Variants in ANKRD12 observed in about 807,000 individuals in gnomAD.
The protein encoded by ANKRD12 is ankyrin repeat domain-containing protein 12.
A neutral mutation model predicts 183.4 loss-of-function variants in ANKRD12; 85 were observed. The observed-to-expected ratio is 0.46, with a 90% confidence interval of 0.39 to 0.56. The LOEUF is 0.56. ANKRD12 is among the 20% of genes least tolerant of loss of function. The pLI is 0.00. For synonymous variants in ANKRD12, 914 were observed against 800.2 expected (o/e 1.14, Z -2.40); for missense variants, 2,405 against 2,357.1 (o/e 1.02, Z -0.42).
intron 1 of ANKRD12, among the ~76,000 whole-genome samples, chr18:9,180,233 G>A (rs1016342476): frequency 4.6e-5 from 7 of 152,112 alleles, no homozygotes; most frequent in African/African-American, 1.7e-4. Flanking sequence ...TCGTTCTGAA[G>A]TCTGTTTTGT....
chr18:9,142,802 T>G (rs544948574), intron 1 of ANKRD12, among the ~76,000 whole-genome samples: 2 of 152,188 alleles, frequency 1.3e-5, no homozygotes, highest in African/African-American at 4.8e-5. Flanking sequence ...GAGAATTGCT[T>G]GAACCCAGGA....
chr18:9,285,975 C>G lies in ANKRD12; in HGVS notation c.*4849C>G, dbSNP rs1444345367. On this transcript the variant is annotated 3_prime_UTR_variant, in exon 13 of 13. Coordinates refer to ENST00000262126, the MANE Select transcript of ANKRD12 (RefSeq NM_015208.5). ...GACTATTGTTAATAAACCTGTGAAT[C>G]TGCAAGCCTATTTTGTGGACATATT... The G allele has an allele frequency of 1.3e-5, 2 of 152,180 alleles. No homozygotes were observed. Among genetic ancestry groups the G allele is most frequent in the Non-Finnish European group, 2.9e-5 (2 of 68,038 alleles). 9.4% of individuals were successfully genotyped at this position (152,180 alleles called of 1,614,324 possible). A position where few individuals can be genotyped will look rare whatever the true frequency, so the allele number is the denominator to read the frequency against.
At position 9,223,609 on chromosome 18, in the gene ANKRD12, A is replaced by G. The variant is rs545401963; in HGVS notation, c.943+1610A>G. ...ATGAACAAAGCAAAGATAAAAGTGT[A>G]TTGCCTTCTTAATTAAATGTAGCTT... On this transcript the variant is annotated intron_variant, in intron 8 of 12. Transcript: ENST00000262126. Among the ~76,000 whole-genome samples the G allele has an allele frequency of 2.6e-5, 4 of 152,294 alleles. No individual in the cohort carries two copies. In the South Asian group the frequency reaches 8.3e-4, roughly 32 times the overall value.
In ANKRD12 at chr18:9,283,788, T is replaced by A. The variant is rs1439665221; in HGVS notation, c.*2662T>A. ...AAAAGAGTGAAATGTGTGCTAACTG[T>A]TTTTTTACTTAATTTTACTTGGGCA... On this transcript the variant is annotated 3_prime_UTR_variant, in exon 13 of 13. Transcript: ENST00000262126. The A allele has an allele frequency of 3.9e-5, 6 of 152,584 alleles. No individual in the cohort carries two copies. The highest frequency in any genetic ancestry group is 2.6e-4 in the Admixed American group (4 of 15,266). The allele number at this position is 152,584 out of a possible 1,614,324, so 9.5% of individuals were successfully genotyped here.
At position 9,284,461 on chromosome 18, in the gene ANKRD12, G is replaced by C. The variant is rs1351735722; in HGVS notation, c.*3335G>C. On this transcript the variant is annotated 3_prime_UTR_variant, in exon 13 of 13. Coordinates refer to ENST00000262126, the MANE Select transcript of ANKRD12 (RefSeq NM_015208.5). Reference sequence around the variant, plus strand: ...ATTTTATATAGAAGAAATTGACTCTGTAAAACGCAATGAAATAGTCCTCTT... The same window carrying C: ...ATTTTATATAGAAGAAATTGACTCTCTAAAACGCAATGAAATAGTCCTCTT... 3 of 152,156 alleles carry C rather than the reference G, an allele frequency of 2.0e-5. No individual in the cohort carries two copies. Among genetic ancestry groups the C allele is most frequent in the Non-Finnish European group, 4.4e-5 (3 of 68,030 alleles). 9.4% of individuals were successfully genotyped at this position (152,156 alleles called of 1,614,324 possible). A position where few individuals can be genotyped will look rare whatever the true frequency, so the allele number is the denominator to read the frequency against.
At position 9,282,202 on chromosome 18, in the gene ANKRD12, A is replaced by T. The variant is rs1429309476; in HGVS notation, c.*1076A>T. 6.6e-6 allele frequency: 1 copy of T among 152,430 alleles called. No homozygotes were observed. Among genetic ancestry groups the T allele is most frequent in the Non-Finnish European group, 1.5e-5 (1 of 67,996 alleles). 9.4% of individuals were successfully genotyped at this position (152,430 alleles called of 1,614,324 possible). A position where few individuals can be genotyped will look rare whatever the true frequency, so the allele number is the denominator to read the frequency against. ...TTATTGGTCATGTTAAATCATTGTA[A>T]AACTTTTTTACATTGCTTAATGTTT... is the stretch of plus-strand genomic sequence containing the variant. On this transcript the variant is annotated 3_prime_UTR_variant, in exon 13 of 13. Coordinates refer to ENST00000262126, the MANE Select transcript of ANKRD12 (RefSeq NM_015208.5).
At position 9,269,122 on chromosome 18, in the gene ANKRD12, G is replaced by C. The variant is rs1248575120; in HGVS notation, c.5763+5234G>C. 2.6e-5 allele frequency among the ~76,000 whole-genome samples: 4 copies of C among 152,092 alleles called. No individual in the cohort carries two copies. The South Asian group carries it at 6.2e-4, about 24-fold the overall frequency. ...ACCACTGCTCAATGAAATAAAAGAG[G>C]ATACAAACAAATAGAAGAACATTCC... On this transcript the variant is annotated intron_variant, in intron 10 of 12. Transcript: ENST00000262126.
At chr18:9,143,497 G>T (rs1445356960) in intron 1 of ANKRD12, among the ~76,000 whole-genome samples, 1 of 152,168 alleles carries the variant, frequency 6.6e-6, no homozygotes, top group Non-Finnish European at 1.5e-5. Flanking sequence ...GTTTCACACT[G>T]TTGCCCAGGC....
At chr18:9,138,729 T>G (rs535724067) in intron 1 of ANKRD12, among the ~76,000 whole-genome samples, 1 of 152,336 alleles carries the variant, frequency 6.6e-6, no homozygotes, top group South Asian at 2.1e-4. Flanking sequence ...AGTCGTTATA[T>G]TAACAGTCTT....
chr18:9,222,515 AC>A (rs1331604734), intron 8 of ANKRD12, among the ~76,000 whole-genome samples: 5 of 151,870 alleles, frequency 3.3e-5, no homozygotes, highest in African/African-American at 1.2e-4. Flanking sequence ...TAACAAAAAA[AC>A]ATTTACTGTG....
intron 1 of ANKRD12, among the ~76,000 whole-genome samples, chr18:9,154,707 A>G (rs946398286): frequency 1.3e-5 from 2 of 152,192 alleles, no homozygotes; most frequent in Non-Finnish European, 2.9e-5. Flanking sequence ...TTGGATTAGG[A>G]TGGTAGCAAG....
intron 3 of ANKRD12, among the ~76,000 whole-genome samples, chr18:9,196,322 A>G (rs2034818919): frequency 6.6e-6 from 1 of 152,118 alleles, no homozygotes; most frequent in African/African-American, 2.4e-5. Context: ...CCAGTTATTC[A>G]TAACGGATGA....
intron 1 of ANKRD12, chr18:9,137,910 A>G (rs1204756286): frequency 1.3e-5 from 2 of 152,208 alleles, no homozygotes; most frequent in African/African-American, 4.8e-5. Flanking sequence ...TTTAGTAATA[A>G]CAGTAAGACG....
intron 5 of ANKRD12, among the ~76,000 whole-genome samples, chr18:9,209,426 A>C (rs754907777): frequency 2.0e-5 from 3 of 152,216 alleles, no homozygotes; most frequent in Non-Finnish European, 4.4e-5. Flanking sequence ...CCCTGAATTC[A>C]AAGCAATTTT....
chr18:9,149,025 C>T (rs1323603031), intron 1 of ANKRD12, among the ~76,000 whole-genome samples: 1 of 152,084 alleles, frequency 6.6e-6, no homozygotes, highest in Non-Finnish European at 1.5e-5. Flanking sequence ...CACACCAGCC[C>T]CATCTATATC....
intron 9 of ANKRD12, among the ~76,000 whole-genome samples, chr18:9,263,321 A>G (rs1312335979): frequency 2.0e-5 from 3 of 152,194 alleles, no homozygotes; most frequent in Admixed American, 6.5e-5. Flanking sequence ...AGACCATTTC[A>G]TCTGCTTTTA....
intron 2 of ANKRD12, among the ~76,000 whole-genome samples, chr18:9,190,501 A>T (rs545188683): frequency 6.3e-4 from 96 of 152,244 alleles, no homozygotes; most frequent in Non-Finnish European, 1.2e-3. Context: ...GTTAAATAAG[A>T]TTGACTCCAA....
At chr18:9,174,453 G>A (rs530774352) in intron 1 of ANKRD12, among the ~76,000 whole-genome samples, 2 of 152,338 alleles carry the variant, frequency 1.3e-5, no homozygotes, top group South Asian at 2.1e-4. Context: ...CCAAGACTCC[G>A]CACAGCTCTG....
rs370546411 is a variant in ANKRD12 at position 9,196,900 on chromosome 18, G to A, written c.235+1202G>A. On this transcript the variant is annotated intron_variant, in intron 3 of 12. Coordinates refer to ENST00000262126, the MANE Select transcript of ANKRD12 (RefSeq NM_015208.5). ...ATACTCTCAAGCTAATTACTGGATC[G>A]CTTACCTGAGAAGAGGGTGCTTATG... 5.9e-5 allele frequency among the ~76,000 whole-genome samples: 9 copies of A among 151,900 alleles called. No homozygotes were observed. The East Asian group carries it at 9.7e-4, about 16-fold the overall frequency.
Sources: gnomAD v4.1 joint callset for allele counts (sites outside exome capture counted in the v4.1 genomes callset) on GRCh38, gnomAD v4.1.1 for gene constraint, MANE v1.5 for transcripts, NCBI Gene and HGNC (gene_info 2026-07-23, HGNC 2026-07-21) for gene names.